Variants in DPYD observed in about 807,000 individuals in gnomAD.
The protein encoded by DPYD is dihydropyrimidine dehydrogenase.
Under a neutral mutation model 116.2 loss-of-function variants are expected in DPYD, and 109 were observed. The ratio of observed to expected loss-of-function variants is 0.94; its 90% confidence interval spans 0.80 to 1.10. The LOEUF (loss-of-function observed/expected upper bound fraction) is 1.10, where lower values mean the gene tolerates loss of function less well. DPYD is among the 50% of genes least tolerant of loss of function. DPYD has a pLI of 0.00. For synonymous variants in DPYD, 440 were observed against 432.0 expected (o/e 1.02, Z -0.23); for missense variants, 1,302 against 1,254.5 (o/e 1.04, Z -0.57).
chr1:97,288,339 A>G (rs1178021833), intron 18 of DPYD, among the ~76,000 whole-genome samples: 1 of 151,208 alleles, frequency 6.6e-6, no homozygotes, highest in Non-Finnish European at 1.5e-5. Context: ...AGGGGACCTA[A>G]TAGACATCTA....
At chr1:97,317,239 C>A (rs368322563) in intron 16 of DPYD, among the ~76,000 whole-genome samples, 3 of 151,938 alleles carry the variant, frequency 2.0e-5, no homozygotes, top group African/African-American at 4.8e-5. Context: ...TGAGGGTATG[C>A]AGCATAATTT....
chr1:97,082,928 G>A (rs1570426252), intron 21 of DPYD, among the ~76,000 whole-genome samples: 1 of 152,084 alleles, frequency 6.6e-6, no homozygotes, highest in African/African-American at 2.4e-5. Flanking sequence ...TTATTTCACT[G>A]CATGAGGATT....
chr1:97,748,208 T>C (rs1294185884), intron 3 of DPYD, among the ~76,000 whole-genome samples: 1 of 148,144 alleles, frequency 6.8e-6, no homozygotes, highest in African/African-American at 2.4e-5. Context: ...CCTTCTTAGA[T>C]AGAGAAACTT....
At chr1:97,374,606 C>T (rs1047233758) in intron 15 of DPYD, among the ~76,000 whole-genome samples, 1 of 150,260 alleles carries the variant, frequency 6.7e-6, no homozygotes, top group Non-Finnish European at 1.5e-5. Context: ...GTAGTCCCAG[C>T]TACTCAGGAG....
In DPYD at chr1:97,206,641, TATATATA is replaced by T. The variant is rs1557937993; in HGVS notation, c.2443-13400_2443-13394del. Among the ~76,000 whole-genome samples, 12 of 13,126 alleles carry T rather than the reference TATATATA, an allele frequency of 9.1e-4. No individual in the cohort carries two copies. In the African/African-American group the frequency reaches 0.011, roughly 12 times the overall value. 8.6% of individuals were successfully genotyped at this position (13,126 alleles called of 152,430 possible). A position where few individuals can be genotyped will look rare whatever the true frequency, so the allele number is the denominator to read the frequency against. On this transcript the variant is annotated intron_variant, in intron 19 of 22. Transcript: ENST00000370192. ...TTCATGTGAAAACAGGGAGATTTTA[TATATATA>T]TATATATATATATATATATATATAT...
rs201847962 is a variant in DPYD at position 97,823,046 on chromosome 1, T to C, written c.233+5068A>G. ...ATAATAGTTGCACATATTTATTGGA[T>C]ACAGTGTGATGTTTCAATACATATT... is the stretch of plus-strand genomic sequence containing the variant. On this transcript the variant is annotated intron_variant, in intron 3 of 22. Transcript: ENST00000370192. Among the ~76,000 whole-genome samples, 12 of 152,376 alleles carry C rather than the reference T, an allele frequency of 7.9e-5. No homozygotes were observed. In the East Asian group the frequency reaches 2.3e-3, roughly 29 times the overall value.
intron 2 of DPYD, among the ~76,000 whole-genome samples, chr1:97,868,825 AG>A (rs941783690): frequency 1.3e-5 from 2 of 151,802 alleles, no homozygotes; most frequent in African/African-American, 2.4e-5. Context: ...ACCTCTATCT[AG>A]GTCATTAAAA....
chr1:97,662,504 G>T (rs982154599), intron 8 of DPYD, among the ~76,000 whole-genome samples: 1 of 151,784 alleles, frequency 6.6e-6, no homozygotes, highest in African/African-American at 2.4e-5. Context: ...GTGGTGGCAC[G>T]TGCCTGTAAT....
At chr1:97,134,061 A>T (rs1398791405) in intron 20 of DPYD, among the ~76,000 whole-genome samples, 2 of 112,800 alleles carry the variant, frequency 1.8e-5, no homozygotes, top group African/African-American at 6.6e-5. Flanking sequence ...ATATATATAT[A>T]TATATATTCT....
intron 12 of DPYD, among the ~76,000 whole-genome samples, chr1:97,544,467 A>G (rs1005049151): frequency 1.3e-5 from 2 of 152,128 alleles, no homozygotes; most frequent in African/African-American, 4.8e-5. Flanking sequence ...TATATTTCAA[A>G]CACTATCATT....
At chr1:97,318,772 A>T (rs1198081439) in intron 16 of DPYD, among the ~76,000 whole-genome samples, 3 of 149,544 alleles carry the variant, frequency 2.0e-5, no homozygotes, top group African/African-American at 7.4e-5. Context: ...AATCAACAGA[A>T]TATACATTTT....
At chr1:97,287,118 T>G (rs1298253469) in intron 18 of DPYD, among the ~76,000 whole-genome samples, 1 of 152,230 alleles carries the variant, frequency 6.6e-6, no homozygotes, top group Non-Finnish European at 1.5e-5. Context: ...TGGATGTCCT[T>G]TCTGCTTGTT....
intron 20 of DPYD, among the ~76,000 whole-genome samples, chr1:97,109,428 C>T (rs1216722433): frequency 6.6e-6 from 1 of 151,858 alleles, no homozygotes; most frequent in Non-Finnish European, 1.5e-5. Context: ...CTAAATGTTG[C>T]ATAGAATGTC....
chr1:97,268,685 G>A (rs1664386152), intron 18 of DPYD, among the ~76,000 whole-genome samples: 1 of 152,074 alleles, frequency 6.6e-6, no homozygotes, highest in African/African-American at 2.4e-5. Flanking sequence ...AGGGAACAAA[G>A]TCTCAAGATA....
chr1:97,203,351 G>A (rs1436504163), intron 19 of DPYD, among the ~76,000 whole-genome samples: 1 of 151,966 alleles, frequency 6.6e-6, no homozygotes, highest in Non-Finnish European at 1.5e-5. Context: ...AGTCAACACA[G>A]CTGGGAAAAC....
At chr1:97,509,907 G>T (rs896343277) in intron 13 of DPYD, among the ~76,000 whole-genome samples, 1 of 151,834 alleles carries the variant, frequency 6.6e-6, no homozygotes, top group Non-Finnish European at 1.5e-5. Context: ...GTGACTTTGG[G>T]CATCAATTTA....
chr1:97,592,431 A>T (rs1654585308), intron 10 of DPYD, among the ~76,000 whole-genome samples: 1 of 152,212 alleles, frequency 6.6e-6, no homozygotes, highest in Admixed American at 6.5e-5. Flanking sequence ...CAGTGGCACG[A>T]TCTGGGCTCA....
intron 3 of DPYD, among the ~76,000 whole-genome samples, chr1:97,822,821 G>C (rs1669025885): frequency 6.6e-6 from 1 of 152,080 alleles, no homozygotes; most frequent in African/African-American, 2.4e-5. Flanking sequence ...TGTATTTTTT[G>C]TGAAATTTAC....
intron 20 of DPYD, among the ~76,000 whole-genome samples, chr1:97,111,528 G>T (rs1340646220): frequency 6.6e-6 from 1 of 151,536 alleles, no homozygotes; most frequent in African/African-American, 2.4e-5. Context: ...TGCATAGTTG[G>T]ATCCTTCACA....
Sources: gnomAD v4.1 joint callset for allele counts (sites outside exome capture counted in the v4.1 genomes callset) on GRCh38, gnomAD v4.1.1 for gene constraint, MANE v1.5 for transcripts, NCBI Gene and HGNC (gene_info 2026-07-23, HGNC 2026-07-21) for gene names.